The following SNX1 variants were observed in gnomAD, a reference collection of about 807,000 sequenced individuals.
SNX1 encodes the protein sorting nexin-1.
In SNX1, 36 loss-of-function variants were observed where a neutral mutation model predicts 71.8. The observed-to-expected ratio is 0.50, with a 90% confidence interval of 0.38 to 0.66. SNX1 has a LOEUF of 0.66. SNX1 is among the 30% of genes least tolerant of loss of function. SNX1 has a pLI of 0.00. For missense variants in SNX1, 612 were observed against 646.7 expected (o/e 0.95, Z 0.58); for synonymous variants, 254 against 240.7 (o/e 1.06, Z -0.51).
chr15:64,108,710 G>A (rs1229571686), intron 1 of SNX1, among the ~76,000 whole-genome samples: 3 of 152,122 alleles, frequency 2.0e-5, no homozygotes, highest in African/African-American at 7.2e-5. Flanking sequence ...CAAAAGAGTT[G>A]GGCACAGTGG....
At chr15:64,114,577 T>C (rs1424812471) in intron 2 of SNX1, among the ~76,000 whole-genome samples, 1 of 152,124 alleles carries the variant, frequency 6.6e-6, no homozygotes, top group African/African-American at 2.4e-5. Flanking sequence ...GAGCTGGACA[T>C]ATGGGAATCA....
At chr15:64,137,434 G>A in intron 14 of SNX1, 134 bp from the exon 15 acceptor site, 2 of 866,228 alleles carry the variant, frequency 2.3e-6, no homozygotes, top group Non-Finnish European at 1.8e-6. Context: ...TGTGGCCTGT[G>A]CAGCTGCTCG....
In SNX1 at chr15:64,127,350, A is replaced by G. The variant is rs138116385; in HGVS notation, c.731+98A>G. The stretch of plus-strand genomic sequence containing the variant: ...GAGACAGTCCATTGAGTTAGAGATG[A>G]AACGTGAATAAATTGAAGTTGCACA... On this transcript the variant is annotated intron_variant, in intron 7 of 14. Coordinates refer to ENST00000559844, the MANE Select transcript of SNX1 (RefSeq NM_003099.5). 230 of 921,690 alleles carry G rather than the reference A, an allele frequency of 2.5e-4. 1 individual carries two copies. In the East Asian group the frequency reaches 5.8e-3, roughly 23 times the overall value. The allele number at this position is 921,690 out of a possible 1,614,324, so 57.1% of individuals were successfully genotyped here. A position where few individuals can be genotyped will look rare whatever the true frequency, so the allele number is the denominator to read the frequency against.
At chr15:64,130,085 C>A in intron 9 of SNX1, 56 bp downstream of exon 9, 2 of 1,497,332 alleles carry the variant, frequency 1.3e-6, no homozygotes, top group Non-Finnish European at 1.9e-6. Flanking sequence ...TGGGTCAGAA[C>A]CCCTAAGGAG....
intron 1 of SNX1, among the ~76,000 whole-genome samples, chr15:64,110,785 T>C (rs564423855): frequency 1.3e-4 from 20 of 152,364 alleles, no homozygotes; most frequent in African/African-American, 4.6e-4. Context: ...CATTTGTGTG[T>C]GTCTGTCTCT....
At chr15:64,097,406 A>G (rs1397712294) in intron 1 of SNX1, among the ~76,000 whole-genome samples, 1 of 151,498 alleles carries the variant, frequency 6.6e-6, no homozygotes, top group Admixed American at 6.6e-5. Context: ...TTGGGAAGTC[A>G]GCACGAATTG....
chr15:64,105,793 C>T (rs1171608768), intron 1 of SNX1, among the ~76,000 whole-genome samples: 1 of 152,142 alleles, frequency 6.6e-6, no homozygotes, highest in East Asian at 1.9e-4. Context: ...ACATGATTTT[C>T]CTTAACTAGC....
rs144366771 is a variant in SNX1, at chr15:64,131,694, G to T, written c.1023G>T (p.Ala341=). The T allele has an allele frequency of 7.4e-6, 12 of 1,613,904 alleles. No homozygotes were observed. Among genetic ancestry groups the T allele is most frequent in the South Asian group, 1.1e-5 (1 of 91,088 alleles). ...ETLVNHRKEL[A]LNTAQFAKSL... ...GTCTTTTCCTCCTTCCAGAGCTAGC[G>T]CTGAACACAGCCCAGTTTGCAAAGA... The change falls in exon 11 of 15, where the codon GCG becomes GCT. Residue 341 remains alanine (A), a synonymous_variant. Transcript: ENST00000559844.
intron 1 of SNX1, among the ~76,000 whole-genome samples, chr15:64,102,761 C>CTTTTTTTTTTT: frequency 1.3e-5 from 1 of 76,408 alleles, no homozygotes; most frequent in Non-Finnish European, 2.3e-5. Context: ...ACCACGCCTT[C>CTTTTTTTTTTT]TTTTTTTTTT....
chr15:64,126,965 G>T (rs997208686), intron 6 of SNX1, among the ~76,000 whole-genome samples: 5 of 152,120 alleles, frequency 3.3e-5, no homozygotes, highest in African/African-American at 1.2e-4. Context: ...GCAAGTCCTA[G>T]AGTTTAGAAC....
intron 1 of SNX1, among the ~76,000 whole-genome samples, chr15:64,101,668 TGAA>T (rs1274043163): frequency 2.0e-5 from 3 of 152,200 alleles, no homozygotes; most frequent in Non-Finnish European, 4.4e-5. Flanking sequence ...TTCAATTGTT[TGAA>T]GAACCTCCAT....
At position 64,096,100 on chromosome 15, in the gene SNX1, C is replaced by T. The variant is rs372344046; in HGVS notation, c.87C>T (p.Ala29=). 6.4e-7 allele frequency: 1 copy of T among 1,565,548 alleles called. No individual in the cohort carries two copies. The highest frequency in any genetic ancestry group is 1.9e-5 in the Admixed American group (1 of 51,936). The change falls in exon 1 of 15, where the codon GCC becomes GCT. Residue 29 remains alanine, a synonymous_variant. Transcript: ENST00000559844. ...TGGAGCCGGAGTCCGAGGGGGCGGC[C>T]GGGGGATCAGAACCCGAGGCTGGGG... The part of the protein sequence containing the change: ...PGLEPESEGA[A]GGSEPEAGDS...
Position 64,134,628 on chromosome 15 carries a change from A to T in SNX1, c.1222-36A>T. On this transcript the variant is annotated intron_variant, in intron 11 of 14. Coordinates refer to ENST00000559844, the MANE Select transcript of SNX1 (RefSeq NM_003099.5). This position sits in a 1 kb window ranked among gnomAD's most constrained non-coding sequence, Gnocchi z 4.1. Reference sequence around the variant, plus strand: ...GGCAGAGCCAGCAGAGCTCTTGAAGAGCTGGTTGTGCTCCTCCTCAACCCC... The same window carrying T: ...GGCAGAGCCAGCAGAGCTCTTGAAGTGCTGGTTGTGCTCCTCCTCAACCCC... The T allele has an allele frequency of 6.3e-7, 1 of 1,587,952 alleles. No homozygotes were observed. The highest frequency in any genetic ancestry group is 8.6e-7 in the Non-Finnish European group (1 of 1,165,852).
At chr15:64,111,590 C>T (rs533073624) in intron 1 of SNX1, 7 of 152,332 alleles carry the variant, frequency 4.6e-5, no homozygotes, top group African/African-American at 1.7e-4. Context: ...TTTCTGAAAT[C>T]TGTCCCCAAT....
intron 12 of SNX1, among the ~76,000 whole-genome samples, chr15:64,135,783 G>A (rs1423056833): frequency 7.0e-6 from 1 of 142,916 alleles, no homozygotes; most frequent in African/African-American, 2.7e-5. Context: ...AAAATTAGAC[G>A]TGATGGCACA....
chr15:64,096,139 G>C lies in SNX1; in HGVS notation c.126G>C (p.Glu42Asp). 1 of 1,554,636 alleles carries C rather than the reference G, an allele frequency of 6.4e-7. No individual in the cohort carries two copies. The highest frequency in any genetic ancestry group is 8.7e-7 in the Non-Finnish European group (1 of 1,149,344). ...CCGAGGCTGGGGACAGCGACACCGA[G>C]GGGGAGGACATTTTCACCGGCGCCG... ...SEPEAGDSDT[E>D]GEDIFTGAAV... is the part of the protein sequence containing the mutation. Residue 42 changes from glutamate to aspartate, a missense_variant, in exon 1 of 15, where the codon GAG (glutamate) becomes GAC (aspartate). This residue lies in a region of SNX1 where 316 missense variants were observed against 284.9 expected (regional missense o/e 1.11). Coordinates refer to ENST00000559844, the MANE Select transcript of SNX1 (RefSeq NM_003099.5).
intron 8 of SNX1, 120 bp downstream of exon 8, chr15:64,127,926 T>G (rs2081270619): frequency 1.5e-6 from 1 of 679,108 alleles, no homozygotes; most frequent in East Asian, 2.8e-5. Context: ...TATCCTAGTT[T>G]TGTGTGAACC....
intron 2 of SNX1, among the ~76,000 whole-genome samples, chr15:64,117,495 C>T (rs577406475): frequency 3.9e-5 from 6 of 152,136 alleles, no homozygotes; most frequent in African/African-American, 1.4e-4. Context: ...TGAGCTCAGG[C>T]AGTCCTCCCA....
chr15:64,109,297 G>C (rs548301107), intron 1 of SNX1, among the ~76,000 whole-genome samples: 1 of 151,242 alleles, frequency 6.6e-6, no homozygotes, highest in Non-Finnish European at 1.5e-5. Context: ...GCTTGAACCC[G>C]GGTAACAGAG....
Sources: allele counts gnomAD v4.1 joint callset (sites outside exome capture counted in the v4.1 genomes callset), GRCh38; gene constraint gnomAD v4.1.1; regional missense constraint gnomAD v4.1.1; non-coding constraint Gnocchi (gnomAD v3.1); transcripts MANE v1.5; gene names NCBI Gene and HGNC (gene_info 2026-07-23, HGNC 2026-07-21).